The following CHST8 variants were observed in gnomAD, a reference collection of about 807,000 sequenced individuals.
CHST8 encodes carbohydrate sulfotransferase 8, also known as GALNAC-4-ST1.
CHST8 carries 10 observed loss-of-function variants against 15.0 expected under a neutral mutation model. That is an observed-to-expected ratio of 0.67 (90% confidence interval 0.41 to 1.13). The LOEUF is 1.13. CHST8 is among the 50% of genes most tolerant of loss of function. CHST8 has a pLI of 0.00. For synonymous variants in CHST8, 259 were observed against 256.6 expected (o/e 1.01, Z -0.09); for missense variants, 634 against 608.2 (o/e 1.04, Z -0.45).
At chr19:33,749,662 C>G (rs944420632) in intron 3 of CHST8, among the ~76,000 whole-genome samples, 1 of 152,004 alleles carries the variant, frequency 6.6e-6, no homozygotes, top group African/African-American at 2.4e-5. Flanking sequence ...GCAGGTCCTG[C>G]AGCCCTCAGT....
At chr19:33,664,481 C>T (rs1972628503) in intron 1 of CHST8, among the ~76,000 whole-genome samples, 1 of 127,886 alleles carries the variant, frequency 7.8e-6, no homozygotes, top group Non-Finnish European at 1.6e-5. Flanking sequence ...TGTGATGTTC[C>T]CCTTCCTGTG....
At chr19:33,668,635 A>T (rs575872048) in intron 2 of CHST8, among the ~76,000 whole-genome samples, 8 of 152,258 alleles carry the variant, frequency 5.3e-5, no homozygotes, top group African/African-American at 1.9e-4. Context: ...GAGTTGTAAG[A>T]CTTGAATATT....
intron 1 of CHST8, among the ~76,000 whole-genome samples, chr19:33,643,827 C>T (rs966597297): frequency 2.0e-5 from 3 of 152,078 alleles, no homozygotes; most frequent in South Asian, 4.1e-4. Flanking sequence ...TAATATCTAG[C>T]GAAGATTAGT....
At chr19:33,727,307 C>T (rs1399365920) in intron 3 of CHST8, among the ~76,000 whole-genome samples, 1 of 152,138 alleles carries the variant, frequency 6.6e-6, no homozygotes, top group Non-Finnish European at 1.5e-5. Context: ...CAACTTGTGC[C>T]GACCCAGGAG....
At chr19:33,656,288 C>A (rs367886365) in intron 1 of CHST8, among the ~76,000 whole-genome samples, 1 of 151,736 alleles carries the variant, frequency 6.6e-6, no homozygotes, top group African/African-American at 2.4e-5. Context: ...ATTTTTTATA[C>A]CACTAAAGAA....
At position 33,694,027 on chromosome 19, in the gene CHST8, T is replaced by C. The variant is rs186726142; in HGVS notation, c.130+4636T>C. Among the ~76,000 whole-genome samples the C allele has an allele frequency of 2.1e-3, 304 of 145,850 alleles. 1 individual carries two copies. The highest frequency in any genetic ancestry group is 7.6e-3 in the African/African-American group (296 of 39,148). ...AGCCAAAGTGAGTGGTGTGGATTGA[T>C]TGGTTTATTCATAGATATGTATATA... On this transcript the variant is annotated intron_variant, in intron 3 of 4. Coordinates refer to ENST00000650847, the MANE Select transcript of CHST8 (RefSeq NM_001127895.2).
chr19:33,648,791 A>G (rs1972390858), intron 1 of CHST8, among the ~76,000 whole-genome samples: 1 of 150,916 alleles, frequency 6.6e-6, no homozygotes, highest in Non-Finnish European at 1.5e-5. Flanking sequence ...ATAATCGCCA[A>G]AAGGTAGAAA....
chr19:33,770,501 C>G (rs886184142), intron 3 of CHST8, among the ~76,000 whole-genome samples: 2 of 152,200 alleles, frequency 1.3e-5, no homozygotes, highest in East Asian at 3.8e-4. Context: ...AGATTCCCCC[C>G]AAAGGGAATC....
chr19:33,663,037 G>T (rs1972606636), intron 1 of CHST8, among the ~76,000 whole-genome samples: 1 of 152,194 alleles, frequency 6.6e-6, no homozygotes, highest in Admixed American at 6.5e-5. Flanking sequence ...CCGTGATGGT[G>T]TCTGTGTTGT....
At chr19:33,757,469 A>AGAAG (rs1974592523) in intron 3 of CHST8, among the ~76,000 whole-genome samples, 1 of 47,372 alleles carries the variant, frequency 2.1e-5, no homozygotes, top group South Asian at 6.6e-4. Flanking sequence ...AAAGAAAGAA[A>AGAAG]GAAAGAAAGA....
chr19:33,625,442 GGCCA>G (rs1972039575), intron 1 of CHST8, among the ~76,000 whole-genome samples: 1 of 152,194 alleles, frequency 6.6e-6, no homozygotes, highest in Admixed American at 6.5e-5. Flanking sequence ...TGGAATGAGT[GGCCA>G]GCCTTTCAGC....
At chr19:33,622,386 C>G (rs1180278428) in intron 1 of CHST8, 90 bp downstream of exon 1, 2 of 152,192 alleles carry the variant, frequency 1.3e-5, no homozygotes, top group Admixed American at 6.5e-5. Context: ...CCGAGCGGGC[C>G]CCGGACTGCA....
At chr19:33,712,343 G>T (rs1244656751) in intron 3 of CHST8, among the ~76,000 whole-genome samples, 2 of 152,306 alleles carry the variant, frequency 1.3e-5, no homozygotes, top group Admixed American at 1.3e-4. Context: ...TGGGGGAGGA[G>T]GATTGCAGGG....
intron 3 of CHST8, among the ~76,000 whole-genome samples, chr19:33,739,074 C>T (rs908968578): frequency 2.0e-5 from 3 of 152,166 alleles, no homozygotes; most frequent in African/African-American, 4.8e-5. Flanking sequence ...CCTTCTGAAA[C>T]CCACTTACCA....
chr19:33,702,163 G>A (rs1405415947), intron 3 of CHST8, among the ~76,000 whole-genome samples: 5 of 152,076 alleles, frequency 3.3e-5, no homozygotes, highest in South Asian at 2.1e-4. Flanking sequence ...TAGTAAAGAC[G>A]GAGTTTCACC....
intron 1 of CHST8, among the ~76,000 whole-genome samples, chr19:33,657,560 CCA>C (rs1299651502): frequency 1.3e-5 from 2 of 151,652 alleles, no homozygotes; most frequent in African/African-American, 4.9e-5. Flanking sequence ...GCATAAGCCA[CCA>C]CACCTGGCCA....
At chr19:33,733,411 T>C (rs1974028858) in intron 3 of CHST8, among the ~76,000 whole-genome samples, 2 of 152,008 alleles carry the variant, frequency 1.3e-5, no homozygotes, top group African/African-American at 4.8e-5. Context: ...TTTTTTGTAC[T>C]TTTAGTAGAG....
At chr19:33,700,394 C>T (rs1447494815) in intron 3 of CHST8, among the ~76,000 whole-genome samples, 1 of 152,226 alleles carries the variant, frequency 6.6e-6, no homozygotes, top group Non-Finnish European at 1.5e-5. Context: ...CTAAACAATG[C>T]ACCTGCAGCT....
chr19:33,622,069 G>A lies in CHST8; in HGVS notation c.-391G>A, dbSNP rs899557437. On this transcript the variant is annotated 5_prime_UTR_variant, in exon 1 of 5. Coordinates refer to ENST00000650847, the MANE Select transcript of CHST8 (RefSeq NM_001127895.2). ...GGGACCGATCGCGCCGGGGGCCGAAGAGGAACGCCGCCCCGCGCCCTCTCG... is the reference window on the plus strand; with the variant it reads ...GGGACCGATCGCGCCGGGGGCCGAAAAGGAACGCCGCCCCGCGCCCTCTCG... 3 of 152,098 alleles carry A rather than the reference G, an allele frequency of 2.0e-5. No homozygotes were observed. Among genetic ancestry groups the A allele is most frequent in the African/African-American group, 7.2e-5 (3 of 41,410 alleles). 9.4% of individuals were successfully genotyped at this position (152,098 alleles called of 1,614,324 possible). A position where few individuals can be genotyped will look rare whatever the true frequency, so the allele number is the denominator to read the frequency against.
Sources: allele counts gnomAD v4.1 joint callset (sites outside exome capture counted in the v4.1 genomes callset), GRCh38; gene constraint gnomAD v4.1.1; transcripts MANE v1.5; gene names NCBI Gene and HGNC (gene_info 2026-07-23, HGNC 2026-07-21).